PDLIM1: variants seen among roughly 807,000 people sequenced by gnomAD.
PDLIM1 encodes PDZ and LIM domain protein 1.
A neutral mutation model predicts 35.2 loss-of-function variants in PDLIM1; 25 were observed. The observed-to-expected ratio is 0.71, with a 90% CI of 0.52 to 0.99. PDLIM1 has a LOEUF of 0.99. Among genes scored for constraint, PDLIM1 ranks in the 50% least tolerant of loss-of-function variants. PDLIM1 has a pLI of 0.00. For synonymous variants in PDLIM1, 152 were observed against 154.0 expected (o/e 0.99, Z 0.10); for missense variants, 363 against 415.3 (o/e 0.87, Z 1.09).
intron 5 of PDLIM1, among the ~76,000 whole-genome samples, chr10:95,245,547 G>C (rs1044509124): frequency 6.6e-6 from 1 of 152,136 alleles, no homozygotes; most frequent in Non-Finnish European, 1.5e-5. Flanking sequence ...TCACATCCAC[G>C]TAAGAGTGAA....
chr10:95,241,122 G>A (rs1359191849), intron 5 of PDLIM1, among the ~76,000 whole-genome samples: 1 of 152,178 alleles, frequency 6.6e-6, no homozygotes, highest in Non-Finnish European at 1.5e-5. Flanking sequence ...GTCACGTCGG[G>A]CAATCGCGGG....
intron 5 of PDLIM1, among the ~76,000 whole-genome samples, chr10:95,246,641 A>G (rs865948832): frequency 7.2e-5 from 11 of 152,356 alleles, no homozygotes; most frequent in Middle Eastern, 3.4e-3. Context: ...TGATGGACAG[A>G]TGAGAAAACA....
In PDLIM1 at chr10:95,268,871, G is replaced by C; in HGVS notation, c.249-9C>G. 2 of 1,574,552 alleles carry C rather than the reference G, an allele frequency of 1.3e-6. No individual in the cohort carries two copies. Among genetic ancestry groups the C allele is most frequent in the South Asian group, 2.2e-5 (2 of 90,222 alleles). On this transcript the variant is annotated splice_polypyrimidine_tract_variant and intron_variant, in intron 2 of 6. Transcript: ENST00000329399. Reference sequence around the variant, plus strand: ...AGACTTTATGTTCAGATCTGCAACAGATTAACAAAGCTGCTGTTTCACTCA... The same window carrying C: ...AGACTTTATGTTCAGATCTGCAACACATTAACAAAGCTGCTGTTTCACTCA...
Position 95,275,767 on chromosome 10 carries a change from T to C in PDLIM1, c.97-3983A>G, listed in dbSNP as rs146080837. Among the ~76,000 whole-genome samples, 4 of 152,308 alleles carry C rather than the reference T, an allele frequency of 2.6e-5. No homozygotes were observed. The East Asian group carries it at 7.7e-4, about 29-fold the overall frequency. ...TGTCCAGCATTTGGTTCCAACTGTTTTGTGGGAGAGACATTTCTGCTAAGT... is the reference window on the plus strand; with the variant it reads ...TGTCCAGCATTTGGTTCCAACTGTTCTGTGGGAGAGACATTTCTGCTAAGT... On this transcript the variant is annotated intron_variant, in intron 1 of 6. Transcript: ENST00000329399.
chr10:95,249,474 G>C (rs1311165744), intron 4 of PDLIM1, among the ~76,000 whole-genome samples: 2 of 152,244 alleles, frequency 1.3e-5, no homozygotes, highest in African/African-American at 4.8e-5. Context: ...AGCCCACCAG[G>C]CTGCCTCCCA....
intron 1 of PDLIM1, among the ~76,000 whole-genome samples, chr10:95,283,803 TA>T (rs2035578758): frequency 6.6e-6 from 1 of 152,194 alleles, no homozygotes; most frequent in Admixed American, 6.5e-5. Flanking sequence ...CAGCATGGGA[TA>T]AAGAAGAGGA....
At chr10:95,272,005 C>A (rs2035468766) in intron 1 of PDLIM1, among the ~76,000 whole-genome samples, 1 of 152,086 alleles carries the variant, frequency 6.6e-6, no homozygotes, top group Non-Finnish European at 1.5e-5. Flanking sequence ...GAAAGGAGGA[C>A]AAATAGCAGT....
rs776395943 is a variant in PDLIM1, at chr10:95,268,741, G to C, written c.333+37C>G. On this transcript the variant is annotated intron_variant, in intron 3 of 6. Transcript: ENST00000329399. ...AGTGTCAGAAACGGCAAAGTGCTGG[G>C]TGGTGAGAGCAGCGGCAACGATGAG... 5 of 1,320,608 alleles carry C rather than the reference G, an allele frequency of 3.8e-6. No homozygotes were observed. The Admixed American group carries it at 8.4e-5, about 22-fold the overall frequency. The allele number at this position is 1,320,608 out of a possible 1,614,324, so 81.8% of individuals were successfully genotyped here. A position where few individuals can be genotyped will look rare whatever the true frequency, so the allele number is the denominator to read the frequency against.
Position 95,237,749 on chromosome 10 carries a change from G to A in PDLIM1, c.*176C>T, listed in dbSNP as rs542599288. The A allele has an allele frequency of 4.0e-5, 23 of 579,502 alleles. No individual in the cohort carries two copies. The highest frequency in any genetic ancestry group is 1.9e-4 in the South Asian group (8 of 42,450). 35.9% of individuals were successfully genotyped at this position (579,502 alleles called of 1,614,324 possible). Reference sequence around the variant, plus strand: ...ACAGTTTTCCTTTAATTGTAAAAGCGGGCATCGCACAGCTGGTGTGAGTCA... The same window carrying A: ...ACAGTTTTCCTTTAATTGTAAAAGCAGGCATCGCACAGCTGGTGTGAGTCA... On this transcript the variant is annotated 3_prime_UTR_variant, in exon 7 of 7. Coordinates refer to ENST00000329399, the MANE Select transcript of PDLIM1 (RefSeq NM_020992.4).
chr10:95,288,271 A>T, intron 1 of PDLIM1, among the ~76,000 whole-genome samples: 1 of 152,246 alleles, frequency 6.6e-6, no homozygotes, highest in East Asian at 1.9e-4. Flanking sequence ...AGCCAATACC[A>T]CAATAATTCA....
chr10:95,276,623 A>G (rs1321146186), intron 1 of PDLIM1, among the ~76,000 whole-genome samples: 6 of 152,194 alleles, frequency 3.9e-5, no homozygotes, highest in Admixed American at 1.3e-4. Flanking sequence ...GCGTTTAGGT[A>G]CCAAGCATGA....
At chr10:95,264,090 C>G (rs778091139) in intron 3 of PDLIM1, 27 bp from the exon 4 acceptor site, 13 of 1,597,782 alleles carry the variant, frequency 8.1e-6, no homozygotes, top group Non-Finnish European at 1.0e-5. Flanking sequence ...GAGGAGAAAT[C>G]AAGGGGGGCA....
rs928528329 is a variant in PDLIM1 at position 95,237,702 on chromosome 10, T to C, written c.*223A>G. ...GTGGGGCGAAGGGACACAGTGTTGC[T>C]GACAAGGTGACACTGAACAAAACAG... On this transcript the variant is annotated 3_prime_UTR_variant, in exon 7 of 7. Coordinates refer to ENST00000329399, the MANE Select transcript of PDLIM1 (RefSeq NM_020992.4). The C allele has an allele frequency of 1.7e-5, 9 of 535,022 alleles. No homozygotes were observed. The highest frequency in any genetic ancestry group is 1.5e-4 in the African/African-American group (8 of 52,868). 33.1% of individuals were successfully genotyped at this position (535,022 alleles called of 1,614,324 possible). A position where few individuals can be genotyped will look rare whatever the true frequency, so the allele number is the denominator to read the frequency against.
Position 95,264,721 on chromosome 10 carries a change from A to G in PDLIM1, c.334-658T>C, listed in dbSNP as rs191214907. ...GGCGGTACCCAGCAGAGCTGCAGAA[A>G]AGGACTTTTGAGTTCCTTGTGTTCT... On this transcript the variant is annotated intron_variant, in intron 3 of 6. Coordinates refer to ENST00000329399, the MANE Select transcript of PDLIM1 (RefSeq NM_020992.4). Among the ~76,000 whole-genome samples the G allele has an allele frequency of 5.9e-5, 9 of 152,110 alleles. No homozygotes were observed. The East Asian group carries it at 1.7e-3, about 29-fold the overall frequency.
chr10:95,290,163 G>C lies in PDLIM1; in HGVS notation c.96+657C>G, dbSNP rs1047831173. On this transcript the variant is annotated intron_variant, in intron 1 of 6. Coordinates refer to ENST00000329399, the MANE Select transcript of PDLIM1 (RefSeq NM_020992.4). This position sits in a 1 kb window ranked among gnomAD's most constrained non-coding sequence, Gnocchi z 4.7. ...AAAGGGCTGGTGCGGGGAGGGGAAA[G>C]AGATAATCTGGGAATGCTAGGAAGA... 6.6e-6 allele frequency among the ~76,000 whole-genome samples: 1 copy of C among 152,214 alleles called. No individual in the cohort carries two copies. The highest frequency in any genetic ancestry group is 2.4e-5 in the African/African-American group (1 of 41,460).
chr10:95,278,486 T>C (rs151162682), intron 1 of PDLIM1, among the ~76,000 whole-genome samples: 5 of 152,164 alleles, frequency 3.3e-5, no homozygotes, highest in African/African-American at 7.2e-5. Context: ...CTGATGAGTG[T>C]TGTGCTAGAA....
At chr10:95,284,037 TA>T (rs1424188911) in intron 1 of PDLIM1, among the ~76,000 whole-genome samples, 4 of 151,620 alleles carry the variant, frequency 2.6e-5, no homozygotes, top group African/African-American at 9.7e-5. Context: ...TCACTGTGCA[TA>T]GTTGTAATTT....
chr10:95,264,350 C>A (rs568595717), intron 3 of PDLIM1, among the ~76,000 whole-genome samples: 4 of 152,328 alleles, frequency 2.6e-5, no homozygotes, highest in East Asian at 3.9e-4. Context: ...CACCCTCGGG[C>A]AGGACAGCCC....
intron 4 of PDLIM1, among the ~76,000 whole-genome samples, chr10:95,252,201 A>C (rs1484042014): frequency 2.0e-5 from 3 of 152,138 alleles, no homozygotes; most frequent in Non-Finnish European, 4.4e-5. Flanking sequence ...AATGAAGAAA[A>C]CCTAGGAGAG....
Sources: gnomAD v4.1 joint callset for allele counts (sites outside exome capture counted in the v4.1 genomes callset) on GRCh38, gnomAD v4.1.1 for gene constraint, Gnocchi (gnomAD v3.1) non-coding constraint, MANE v1.5 for transcripts, NCBI Gene and HGNC (gene_info 2026-07-23, HGNC 2026-07-21) for gene names.